KALRN: variants seen among roughly 807,000 people sequenced by gnomAD.
KALRN encodes kalirin RhoGEF kinase.
In KALRN, 70 loss-of-function variants were observed where a neutral mutation model predicts 353.7. The ratio of observed to expected loss-of-function variants is 0.20; its 90% CI spans 0.16 to 0.24. The LOEUF is 0.24. Among genes scored for constraint, KALRN ranks in the 10% least tolerant of loss-of-function variants. KALRN has a pLI of 1.00. For synonymous variants in KALRN, 1,391 were observed against 1,434.8 expected (o/e 0.97, Z 0.69); for missense variants, 2,791 against 3,756.7 (o/e 0.74, Z 6.72).
At chr3:124,296,505 A>G (rs2149194384) in intron 5 of KALRN, among the ~76,000 whole-genome samples, 2 of 152,304 alleles carry the variant, frequency 1.3e-5, no homozygotes, top group South Asian at 4.2e-4. Context: ...CGCCCTCGTC[A>G]GGATTTCAGT....
intron 6 of KALRN, 71 bp from the exon 7 acceptor site, chr3:124,325,909 T>C: frequency 3.0e-6 from 4 of 1,319,022 alleles, no homozygotes; most frequent in Non-Finnish European, 4.3e-6. Context: ...TCCCCAAATA[T>C]GTACCCCACG....
intron 1 of KALRN, among the ~76,000 whole-genome samples, chr3:124,064,818 C>T (rs186394712): frequency 3.3e-5 from 5 of 152,296 alleles, no homozygotes; most frequent in African/African-American, 9.6e-5. Context: ...GCTACACACA[C>T]GTTGTTTCCA....
intron 1 of KALRN, among the ~76,000 whole-genome samples, chr3:124,183,591 C>T (rs1022315223): frequency 6.6e-6 from 1 of 152,120 alleles, no homozygotes; most frequent in Non-Finnish European, 1.5e-5. Context: ...TATCAGACAC[C>T]ATGGGACACA....
intron 3 of KALRN, among the ~76,000 whole-genome samples, chr3:124,261,082 G>A (rs1390987399): frequency 6.7e-6 from 1 of 150,158 alleles, no homozygotes; most frequent in Non-Finnish European, 1.5e-5. Flanking sequence ...TAGAGATGGA[G>A]TTTCACCACG....
intron 41 of KALRN, 136 bp downstream of exon 41, chr3:124,657,939 A>C: frequency 1.5e-6 from 1 of 671,210 alleles, no homozygotes; most frequent in Non-Finnish European, 2.6e-6. Context: ...GGGTGGCTTG[A>C]CCCCAGGAAT....
chr3:124,709,934 A>C (rs1447610385), intron 57 of KALRN, among the ~76,000 whole-genome samples: 1 of 152,238 alleles, frequency 6.6e-6, no homozygotes, highest in Non-Finnish European at 1.5e-5. Flanking sequence ...CCATGAGGAA[A>C]AGGGGTCATG....
chr3:124,318,961 C>T (rs2079065220), intron 6 of KALRN, among the ~76,000 whole-genome samples: 2 of 152,016 alleles, frequency 1.3e-5, no homozygotes, highest in South Asian at 2.1e-4. Context: ...ATGAACTTGG[C>T]TTCTAAAAAC....
chr3:124,657,984 T>C (rs1411117720), intron 41 of KALRN, among the ~76,000 whole-genome samples, 181 bp downstream of exon 41: 1 of 152,046 alleles, frequency 6.6e-6, no homozygotes, highest in Non-Finnish European at 1.5e-5. Context: ...GAGGCCCCCA[T>C]CTCTACGAAG....
At chr3:124,527,228 G>C (rs1473159564) in intron 33 of KALRN, among the ~76,000 whole-genome samples, 5 of 152,146 alleles carry the variant, frequency 3.3e-5, no homozygotes, top group Non-Finnish European at 7.3e-5. Flanking sequence ...TAATGAGTCT[G>C]TGAGTGTCGG....
chr3:124,642,806 G>GTTGTTTTGTTGTTGTTGTTTTTTTTTTT (rs796628603), intron 37 of KALRN, among the ~76,000 whole-genome samples: 1 of 96,840 alleles, frequency 1.0e-5, no homozygotes, highest in African/African-American at 4.5e-5. Context: ...CCCAAGCCTC[G>GTTGTTTTGTTGTTGTTGTTTTTTTTTTT]TTTTTTTTTT....
At chr3:124,694,306 G>A in intron 52 of KALRN, 26 bp from the exon 53 acceptor site, 1 of 1,607,860 alleles carries the variant, frequency 6.2e-7, no homozygotes, top group Non-Finnish European at 8.5e-7. Flanking sequence ...TCTGAATGAT[G>A]TTAATGTATG....
intron 58 of KALRN, among the ~76,000 whole-genome samples, chr3:124,714,572 A>T (rs1483142321): frequency 6.6e-6 from 1 of 152,188 alleles, no homozygotes; most frequent in Non-Finnish European, 1.5e-5. Flanking sequence ...TGTTGCAGGG[A>T]TTAAGTTAGA....
intron 11 of KALRN, among the ~76,000 whole-genome samples, chr3:124,392,558 T>A (rs1367403043): frequency 7.5e-6 from 1 of 132,474 alleles, no homozygotes; most frequent in South Asian, 2.5e-4. Flanking sequence ...GGAGACAGAG[T>A]TTTTTTTGTT....
At chr3:124,619,122 T>A (rs1429466270) in intron 34 of KALRN, among the ~76,000 whole-genome samples, 1 of 110,780 alleles carries the variant, frequency 9.0e-6, no homozygotes, top group Non-Finnish European at 1.7e-5. Flanking sequence ...CACTGTATAT[T>A]TGACTTTTTT....
At chr3:124,559,727 C>T (rs1045539137) in intron 33 of KALRN, among the ~76,000 whole-genome samples, 1 of 152,218 alleles carries the variant, frequency 6.6e-6, no homozygotes, top group African/African-American at 2.4e-5. Context: ...GGGACTGTTG[C>T]AGGAGCAGCT....
At chr3:124,276,913 C>T (rs1344549064) in intron 5 of KALRN, among the ~76,000 whole-genome samples, 2 of 152,188 alleles carry the variant, frequency 1.3e-5, no homozygotes, top group African/African-American at 4.8e-5. Context: ...GAAGCTGGTG[C>T]TCCTCCCTCT....
intron 1 of KALRN, among the ~76,000 whole-genome samples, chr3:124,062,614 T>G (rs2042065038): frequency 6.6e-6 from 1 of 152,224 alleles, no homozygotes; most frequent in Non-Finnish European, 1.5e-5. Flanking sequence ...TCTTGCTAGT[T>G]TCTAAATACA....
chr3:124,490,624 G>A (rs181748653), intron 29 of KALRN, 70 bp from the exon 30 acceptor site: 35 of 1,430,498 alleles, frequency 2.4e-5, no homozygotes, highest in Admixed American at 2.0e-4. Flanking sequence ...TCTCCAAGAG[G>A]GGGGTGGAAC....
chr3:124,646,757 T>C (rs1440313982), intron 37 of KALRN, among the ~76,000 whole-genome samples: 1 of 151,856 alleles, frequency 6.6e-6, no homozygotes, highest in Non-Finnish European at 1.5e-5. Flanking sequence ...TATATGCTTA[T>C]TCAAAAAAAT....
Sources: allele counts gnomAD v4.1 joint callset (sites outside exome capture counted in the v4.1 genomes callset), GRCh38; gene constraint gnomAD v4.1.1; transcripts MANE v1.5; gene names NCBI Gene and HGNC (gene_info 2026-07-23, HGNC 2026-07-21).